The following MAPK10 variants were observed in gnomAD, a reference collection of about 807,000 sequenced individuals.
The protein encoded by MAPK10 is mitogen-activated protein kinase 10.
In MAPK10, 25 loss-of-function variants were observed where a neutral mutation model predicts 59.3. The observed-to-expected ratio is 0.42, with a 90% confidence interval of 0.31 to 0.59. The LOEUF (loss-of-function observed/expected upper bound fraction) is 0.59. Ranked by LOEUF, MAPK10 falls within the 20% of genes least tolerant of loss-of-function variation. The probability of loss-of-function intolerance (pLI) is 0.15; values close to 1 mark genes in which losing one functional copy is unlikely to be tolerated. For missense variants in MAPK10, 351 were observed against 568.9 expected (o/e 0.62, Z 3.90); for synonymous variants, 190 against 200.5 (o/e 0.95, Z 0.44).
intron 11 of MAPK10, among the ~76,000 whole-genome samples, chr4:86,056,135 T>A (rs1330384470): frequency 6.7e-6 from 1 of 150,094 alleles, no homozygotes; most frequent in Non-Finnish European, 1.5e-5. Context: ...GGAGATACAG[T>A]CTGTATAGAG....
chr4:86,493,055 T>C (rs1754595987), intron 1 of MAPK10, among the ~76,000 whole-genome samples: 1 of 152,208 alleles, frequency 6.6e-6, no homozygotes, highest in Admixed American at 6.5e-5. Flanking sequence ...GTGGCCATAC[T>C]TCAACCATTC....
chr4:86,510,229 C>T lies in MAPK10; in HGVS notation c.-263+83681G>A, dbSNP rs181187881. Among the ~76,000 whole-genome samples the T allele has an allele frequency of 2.7e-4, 41 of 152,120 alleles. No individual in the cohort carries two copies. The East Asian group carries it at 6.6e-3, about 24-fold the overall frequency. ...CTGTGCTCAATCAATCCTCCCACCT[C>T]GGCCTCCCAAGTAGCTGGGACTACA... On this transcript the variant is annotated intron_variant, in intron 1 of 4. Transcript: ENST00000502302.
At position 86,074,064 on chromosome 4, in the gene MAPK10, G is replaced by T. The variant is rs1359650855; in HGVS notation, c.803-6109C>A. Among the ~76,000 whole-genome samples, 19 of 101,446 alleles carry T rather than the reference G, an allele frequency of 1.9e-4. 2 individuals carry two copies. The highest frequency in any genetic ancestry group is 1.8e-4 in the Admixed American group (2 of 11,122). 66.6% of individuals were successfully genotyped at this position (101,446 alleles called of 152,430 possible). Reference sequence around the variant, plus strand: ...GTAGGTCACTCAGGACTTGCTTTATGAATCTGGGTGCTCCTGTATTGGGTG... The same window carrying T: ...GTAGGTCACTCAGGACTTGCTTTATTAATCTGGGTGCTCCTGTATTGGGTG... On this transcript the variant is annotated intron_variant, in intron 9 of 13. Transcript: ENST00000641462.
intron 1 of MAPK10, among the ~76,000 whole-genome samples, chr4:86,462,989 T>C (rs915821484): frequency 6.6e-6 from 1 of 152,146 alleles, no homozygotes; most frequent in Non-Finnish European, 1.5e-5. Context: ...CCAATTTGGA[T>C]AGAACAATGG....
intron 11 of MAPK10, chr4:86,040,981 C>T (rs1419484534): frequency 6.7e-6 from 1 of 150,146 alleles, no homozygotes; most frequent in Non-Finnish European, 1.5e-5. Flanking sequence ...GAGAGTTCTT[C>T]AGGCTAAAAG....
At chr4:86,586,999 G>T (rs1196469224) in intron 1 of MAPK10, among the ~76,000 whole-genome samples, 1 of 152,030 alleles carries the variant, frequency 6.6e-6, no homozygotes, top group Non-Finnish European at 1.5e-5. Flanking sequence ...AAAATATCCA[G>T]CAATTCCAAA....
intron 3 of MAPK10, among the ~76,000 whole-genome samples, chr4:86,168,875 G>T (rs1433549989): frequency 6.6e-6 from 1 of 152,124 alleles, no homozygotes; most frequent in Non-Finnish European, 1.5e-5. Context: ...ACTTCCAGAG[G>T]AACGATCAGA....
chr4:86,379,030 T>C (rs1353917130), intron 1 of MAPK10, among the ~76,000 whole-genome samples: 1 of 152,136 alleles, frequency 6.6e-6, no homozygotes, highest in Non-Finnish European at 1.5e-5. Flanking sequence ...TAAGGAAATG[T>C]AGGTAAGTAT....
chr4:86,248,857 CA>C (rs1249911818), intron 2 of MAPK10, among the ~76,000 whole-genome samples: 1 of 152,076 alleles, frequency 6.6e-6, no homozygotes, highest in African/African-American at 2.4e-5. Flanking sequence ...CAAAGGAGAA[CA>C]AACCATAAAT....
intron 1 of MAPK10, among the ~76,000 whole-genome samples, chr4:86,481,287 CAG>C (rs1342868464): frequency 1.3e-5 from 2 of 152,086 alleles, no homozygotes; most frequent in Non-Finnish European, 2.9e-5. Flanking sequence ...AGGAGAAAAT[CAG>C]AGAGACCTTG....
chr4:86,198,967 C>T (rs932393505), intron 2 of MAPK10, among the ~76,000 whole-genome samples: 3 of 151,754 alleles, frequency 2.0e-5, no homozygotes, highest in Admixed American at 6.6e-5. Context: ...ATATGCGTAC[C>T]TTAAAATCAT....
Position 86,578,490 on chromosome 4 carries a change from C to T in MAPK10, c.-263+15420G>A, listed in dbSNP as rs148664453. ...GGAAGAATTAAAGTGGTTGCTTCTACAAAGACATAACCTGAGATGGAGAAT... is the reference window on the plus strand; with the variant it reads ...GGAAGAATTAAAGTGGTTGCTTCTATAAAGACATAACCTGAGATGGAGAAT... On this transcript the variant is annotated intron_variant, in intron 1 of 4. Coordinates refer to the MAPK10 transcript ENST00000502302. Among the ~76,000 whole-genome samples the T allele has an allele frequency of 6.3e-3, 958 of 152,202 alleles. 14 individuals carry two copies. The highest frequency in any genetic ancestry group is 0.022 in the African/African-American group (922 of 41,540).
At position 86,017,426 on chromosome 4, in the gene MAPK10, A is replaced by G; in HGVS notation, c.1253-56T>C. 6.2e-7 allele frequency: 1 copy of G among 1,600,570 alleles called. No homozygotes were observed. Among genetic ancestry groups the G allele is most frequent in the African/African-American group, 1.3e-5 (1 of 74,788 alleles). ...TCAATCTAGAACCAGACCCATCTTA[A>G]TGCCATTCAGGATTCAGGGATGGGC... On this transcript the variant is annotated intron_variant, in intron 13 of 13. Coordinates refer to ENST00000641462, the MANE Select transcript of MAPK10 (RefSeq NM_138982.4). This position sits in a 1 kb window ranked among gnomAD's most constrained non-coding sequence, Gnocchi z 4.4.
chr4:86,358,606 G>A (rs1287135130), intron 1 of MAPK10: 2 of 152,344 alleles, frequency 1.3e-5, no homozygotes, highest in East Asian at 3.9e-4. Flanking sequence ...GCAGTACCCT[G>A]GGAAGTTATC....
chr4:86,542,983 A>C (rs918216144), intron 1 of MAPK10, among the ~76,000 whole-genome samples: 1 of 152,182 alleles, frequency 6.6e-6, no homozygotes, highest in Non-Finnish European at 1.5e-5. Flanking sequence ...CACCTTGAGC[A>C]CACTGCCTCA....
At chr4:86,230,160 G>A (rs1458273166) in intron 2 of MAPK10, among the ~76,000 whole-genome samples, 1 of 152,044 alleles carries the variant, frequency 6.6e-6, no homozygotes, top group Non-Finnish European at 1.5e-5. Flanking sequence ...CTTCCCAAAC[G>A]TTTTTATCTT....
At chr4:86,314,044 AC>A (rs2095724591) in intron 2 of MAPK10, among the ~76,000 whole-genome samples, 1 of 152,172 alleles carries the variant, frequency 6.6e-6, no homozygotes, top group African/African-American at 2.4e-5. Context: ...GCATGGATGG[AC>A]TTTACAGACA....
At chr4:86,517,696 T>C (rs1433065605) in intron 1 of MAPK10, among the ~76,000 whole-genome samples, 2 of 152,174 alleles carry the variant, frequency 1.3e-5, no homozygotes, top group African/African-American at 2.4e-5. Context: ...CTTTCTTAGT[T>C]TTAATATTAG....
chr4:86,282,802 A>T (rs181391231), intron 2 of MAPK10, among the ~76,000 whole-genome samples: 1 of 152,278 alleles, frequency 6.6e-6, no homozygotes, highest in African/African-American at 2.4e-5. Context: ...GGGAACATCC[A>T]AGAGGATGGA....
Sources: allele counts gnomAD v4.1 joint callset (sites outside exome capture counted in the v4.1 genomes callset), GRCh38; gene constraint gnomAD v4.1.1; non-coding constraint Gnocchi (gnomAD v3.1); transcripts MANE v1.5; gene names NCBI Gene and HGNC (gene_info 2026-07-23, HGNC 2026-07-21).